FOXP2: variants seen among roughly 807,000 people sequenced by gnomAD.
FOXP2 encodes the protein forkhead box protein P2.
FOXP2 carries 12 observed loss-of-function variants against 115.8 expected under a neutral mutation model. That is an observed-to-expected ratio of 0.10 (90% CI 0.07 to 0.17). The LOEUF (loss-of-function observed/expected upper bound fraction) is 0.17, where lower values mean the gene tolerates loss of function less well. Among genes scored for constraint, FOXP2 ranks in the 10% least tolerant of loss-of-function variants. The pLI is 1.00. For missense variants in FOXP2, 629 were observed against 843.5 expected (o/e 0.75, Z 3.15); for synonymous variants, 328 against 297.7 (o/e 1.10, Z -1.05).
chr7:114,498,369 C>A (rs1018802174), intron 2 of FOXP2, among the ~76,000 whole-genome samples: 1 of 152,236 alleles, frequency 6.6e-6, no homozygotes, highest in Non-Finnish European at 1.5e-5. Flanking sequence ...TATTGACTAC[C>A]TATTCTAGGC....
chr7:114,121,536 T>G (rs1178317018), intron 1 of FOXP2, among the ~76,000 whole-genome samples: 1 of 152,100 alleles, frequency 6.6e-6, no homozygotes, highest in African/African-American at 2.4e-5. Flanking sequence ...AACTGTAAAA[T>G]TCTAATGTAA....
intron 2 of FOXP2, among the ~76,000 whole-genome samples, chr7:114,395,653 T>C (rs956027649): frequency 3.3e-5 from 5 of 152,122 alleles, no homozygotes; most frequent in African/African-American, 1.2e-4. Flanking sequence ...TAGTTTAACT[T>C]GATATGACCA....
chr7:114,675,115 A>G lies in FOXP2; in HGVS notation c.2003+10679A>G, dbSNP rs548062341. Among the ~76,000 whole-genome samples, 30 of 152,238 alleles carry G rather than the reference A, an allele frequency of 2.0e-4. 1 individual carries two copies. The South Asian group carries it at 3.9e-3, about 20-fold the overall frequency. On this transcript the variant is annotated intron_variant, in intron 16 of 16. Transcript: ENST00000350908. ...AAGAAATGAATTGTGTATCATTTCAACCTGGCTTCACACAAATGGAGATAA... is the reference window on the plus strand; with the variant it reads ...AAGAAATGAATTGTGTATCATTTCAGCCTGGCTTCACACAAATGGAGATAA...
At chr7:114,661,506 G>T (rs1806858807) in intron 13 of FOXP2, among the ~76,000 whole-genome samples, 3 of 151,956 alleles carry the variant, frequency 2.0e-5, no homozygotes, top group Admixed American at 2.0e-4. Flanking sequence ...GTGTCTTATT[G>T]TGCAGGCAGA....
At chr7:114,498,692 G>C (rs1797431390) in intron 2 of FOXP2, among the ~76,000 whole-genome samples, 1 of 152,096 alleles carries the variant, frequency 6.6e-6, no homozygotes, top group South Asian at 2.1e-4. Context: ...TATACCAAAA[G>C]AAAGATTTTA....
At chr7:114,407,197 AAC>A (rs1156630776) in intron 2 of FOXP2, among the ~76,000 whole-genome samples, 11 of 152,068 alleles carry the variant, frequency 7.2e-5, no homozygotes, top group African/African-American at 2.7e-4. Context: ...AAATCATTTT[AAC>A]AGTCTGCAAA....
At chr7:114,250,539 A>C (rs1795413409) in intron 1 of FOXP2, among the ~76,000 whole-genome samples, 1 of 152,186 alleles carries the variant, frequency 6.6e-6, no homozygotes, top group Non-Finnish European at 1.5e-5. Context: ...CATTTCCCTG[A>C]TGGCCAGTGA....
chr7:114,192,964 A>G (rs946879116), intron 1 of FOXP2, among the ~76,000 whole-genome samples: 5 of 152,116 alleles, frequency 3.3e-5, no homozygotes, highest in African/African-American at 9.7e-5. Context: ...GTAAACATCA[A>G]ATAAACACCT....
chr7:114,539,129 A>G (rs560610360), intron 3 of FOXP2, among the ~76,000 whole-genome samples: 18 of 152,024 alleles, frequency 1.2e-4, no homozygotes, highest in African/African-American at 4.1e-4. Flanking sequence ...CAGAAATTCT[A>G]TAGTAAACTA....
chr7:114,364,620 TTATAAC>T, intron 2 of FOXP2, among the ~76,000 whole-genome samples: 1 of 152,332 alleles, frequency 6.6e-6, no homozygotes, highest in Non-Finnish European at 1.5e-5. Context: ...GTTTAAAATT[TTATAAC>T]TATATTTGAC....
At chr7:114,509,935 G>T (rs1390077645) in intron 2 of FOXP2, among the ~76,000 whole-genome samples, 1 of 151,928 alleles carries the variant, frequency 6.6e-6, no homozygotes, top group Non-Finnish European at 1.5e-5. Context: ...GAAAAAAAAA[G>T]GTGCTCACAA....
At chr7:114,525,773 G>C (rs1798826445) in intron 2 of FOXP2, among the ~76,000 whole-genome samples, 1 of 151,982 alleles carries the variant, frequency 6.6e-6, no homozygotes, top group South Asian at 2.1e-4. Flanking sequence ...CCTTAATTTA[G>C]TACTTTCCCA....
At chr7:114,219,018 A>G (rs1020006981) in intron 1 of FOXP2, among the ~76,000 whole-genome samples, 2 of 152,200 alleles carry the variant, frequency 1.3e-5, no homozygotes, top group Admixed American at 6.5e-5. Flanking sequence ...GAGTTCAGGC[A>G]AGAAACATAT....
chr7:114,090,320 G>T (rs531564374), intron 1 of FOXP2, among the ~76,000 whole-genome samples: 2 of 151,814 alleles, frequency 1.3e-5, no homozygotes, highest in Admixed American at 1.3e-4. Context: ...TTAATTTTTG[G>T]CACATTCAAG....
At position 114,688,111 on chromosome 7, in the gene FOXP2, T is replaced by A. The variant is rs1041229417; in HGVS notation, c.2004-1671T>A. Among the ~76,000 whole-genome samples the A allele has an allele frequency of 3.7e-4, 50 of 135,102 alleles. 1 individual carries two copies. The highest frequency in any genetic ancestry group is 1.6e-5 in the Non-Finnish European group (1 of 63,472). The allele number at this position is 135,102 out of a possible 152,430, so 88.6% of individuals were successfully genotyped here. ...TAAAACTTTTTCATAAACTTCAGGG[T>A]TTTTTTTTTTTTAATGTGCTTGTCC... On this transcript the variant is annotated intron_variant, in intron 16 of 16. Coordinates refer to ENST00000350908, the MANE Select transcript of FOXP2 (RefSeq NM_014491.4).
intron 1 of FOXP2, among the ~76,000 whole-genome samples, chr7:114,232,741 A>G (rs1413568683): frequency 6.6e-6 from 1 of 151,168 alleles, no homozygotes; most frequent in African/African-American, 2.4e-5. Flanking sequence ...TGAACCCGGG[A>G]GGCGGAAGTT....
intron 2 of FOXP2, among the ~76,000 whole-genome samples, chr7:114,290,045 CAA>C: frequency 6.6e-6 from 1 of 151,918 alleles, no homozygotes; most frequent in African/African-American, 2.4e-5. Context: ...TCTCAGCTCT[CAA>C]AGAGTAAAAT....
At chr7:114,572,537 G>A (rs1487298371) in intron 3 of FOXP2, among the ~76,000 whole-genome samples, 1 of 151,694 alleles carries the variant, frequency 6.6e-6, no homozygotes, top group Non-Finnish European at 1.5e-5. Context: ...TAAACATCAA[G>A]TGCAATTATA....
At chr7:114,577,680 A>G (rs35662342) in intron 3 of FOXP2, among the ~76,000 whole-genome samples, 12,355 of 151,932 alleles carry the variant, frequency 0.081, 1,061 homozygotes, top group East Asian at 0.23. Context: ...ATTTTACAAT[A>G]TTGGAAGAAA....
Sources: gnomAD v4.1 joint callset for allele counts (sites outside exome capture counted in the v4.1 genomes callset) on GRCh38, gnomAD v4.1.1 for gene constraint, MANE v1.5 for transcripts, NCBI Gene and HGNC (gene_info 2026-07-23, HGNC 2026-07-21) for gene names.